Variants in ABCB4 observed in about 807,000 individuals in gnomAD.
The protein encoded by ABCB4 is phosphatidylcholine translocator ABCB4.
In ABCB4, 76 loss-of-function variants were observed where a neutral mutation model predicts 145.7. That is an observed-to-expected ratio of 0.52 (90% CI 0.43 to 0.63). The LOEUF is 0.63. Among genes scored for constraint, ABCB4 ranks in the 30% least tolerant of loss-of-function variants. The pLI is 0.00. For synonymous variants in ABCB4, 517 were observed against 566.8 expected, an observed-to-expected ratio of 0.91 and a Z score of 1.25; for missense variants, 1,234 against 1,553.1, an observed-to-expected ratio of 0.79 and a Z score of 3.45.
chr7:87,446,744 C>G (rs1043992897), intron 9 of ABCB4, among the ~76,000 whole-genome samples: 2 of 152,150 alleles, frequency 1.3e-5, no homozygotes, highest in Non-Finnish European at 2.9e-5. Context: ...GAGGATGGCT[C>G]CCATCCATAT....
rs541998772 is a variant in ABCB4 at position 87,434,781 on chromosome 7, T to C, written c.1732-3216A>G. Among the ~76,000 whole-genome samples, 5 of 152,356 alleles carry C rather than the reference T, an allele frequency of 3.3e-5. No homozygotes were observed. The South Asian group carries it at 1.0e-3, about 32-fold the overall frequency. On this transcript the variant is annotated intron_variant, in intron 14 of 27. Transcript: ENST00000649586. ...ATTATTTTAATGTAGACATATTTTCTCAATGAGCTGGGCCATCATAGTCAA... is the reference window on the plus strand; with the variant it reads ...ATTATTTTAATGTAGACATATTTTCCCAATGAGCTGGGCCATCATAGTCAA...
At chr7:87,374,688 AG>A in the ABCB4 span, among the ~76,000 whole-genome samples, 3 of 152,002 alleles carry the variant, frequency 2.0e-5, no homozygotes, top group Non-Finnish European at 4.4e-5. Flanking sequence ...GCAAATAACA[AG>A]GGGGGAATTT....
At chr7:87,464,196 G>A (rs1165271971) in intron 3 of ABCB4, among the ~76,000 whole-genome samples, 2 of 152,204 alleles carry the variant, frequency 1.3e-5, no homozygotes, top group Non-Finnish European at 2.9e-5. Flanking sequence ...GCTGAGGTTA[G>A]AGGCACATGG....
the ABCB4 span, among the ~76,000 whole-genome samples, chr7:87,385,875 T>A: frequency 2.0e-5 from 3 of 152,216 alleles, no homozygotes; most frequent in South Asian, 6.2e-4. Context: ...TTGTTGAAAA[T>A]TTTTTTTATC....
chr7:87,379,045 C>G, the ABCB4 span, among the ~76,000 whole-genome samples: 848 of 152,230 alleles, frequency 5.6e-3, 10 homozygotes, highest in African/African-American at 0.017. Flanking sequence ...TTCTCTTCAG[C>G]TCCTCATTTG....
the ABCB4 span, among the ~76,000 whole-genome samples, chr7:87,374,434 G>A: frequency 6.6e-6 from 1 of 152,156 alleles, no homozygotes; most frequent in Non-Finnish European, 1.5e-5. Flanking sequence ...CAAAACTCGT[G>A]CTTTGAGGTA....
intron 14 of ABCB4, among the ~76,000 whole-genome samples, chr7:87,436,235 G>A (rs1476291220): frequency 6.6e-6 from 1 of 151,940 alleles, no homozygotes; most frequent in East Asian, 1.9e-4. Context: ...AATAAAATTA[G>A]GGCAAAAATC....
the ABCB4 span, among the ~76,000 whole-genome samples, chr7:87,387,437 C>A: frequency 6.6e-6 from 1 of 151,226 alleles, no homozygotes; most frequent in Admixed American, 6.6e-5. Context: ...AAAATTGCTT[C>A]ATTTTATTTC....
At chr7:87,399,753 A>G (rs1163291562), downstream of ABCB4, 4 of 152,214 alleles carry the variant, frequency 2.6e-5, no homozygotes, top group African/African-American at 9.6e-5. Flanking sequence ...TCAAAATTAT[A>G]TAGCTTTTTG....
At chr7:87,391,481 T>C in the ABCB4 span, 1 of 1,085,546 alleles carries the variant, frequency 9.2e-7, no homozygotes, top group South Asian at 1.8e-5. Flanking sequence ...CTATCTGTGT[T>C]AAAGGGCTTA....
At position 87,403,124 on chromosome 7, in the gene ABCB4, G is replaced by A; in HGVS notation, c.3633+11C>T. Reference sequence around the variant, plus strand: ...AATTAAATAAGACATAAGTTGGGAGGCCACACACACCTTTTCACTTTCAGT... The same window carrying A: ...AATTAAATAAGACATAAGTTGGGAGACCACACACACCTTTTCACTTTCAGT... On this transcript the variant is annotated intron_variant, in intron 27 of 27. Coordinates refer to ENST00000649586, the MANE Select transcript of ABCB4 (RefSeq NM_000443.4). 1 of 1,613,728 alleles carries A rather than the reference G, an allele frequency of 6.2e-7. No individual in the cohort carries two copies. Among genetic ancestry groups the A allele is most frequent in the Non-Finnish European group, 8.5e-7 (1 of 1,179,768 alleles).
At chr7:87,409,600 C>T (rs1440562533) in intron 23 of ABCB4, among the ~76,000 whole-genome samples, 2 of 152,138 alleles carry the variant, frequency 1.3e-5, no homozygotes, top group Admixed American at 6.6e-5. Flanking sequence ...TACCTTTTCT[C>T]GACTTGCTTT....
chr7:87,400,082 G>A (rs1244096418), downstream of ABCB4, among the ~76,000 whole-genome samples: 2 of 152,136 alleles, frequency 1.3e-5, no homozygotes, highest in Non-Finnish European at 2.9e-5. Flanking sequence ...TCAGAATTGA[G>A]CTTCCTTACT....
At chr7:87,429,602 T>C (rs1810062986) in intron 15 of ABCB4, among the ~76,000 whole-genome samples, 1 of 152,214 alleles carries the variant, frequency 6.6e-6, no homozygotes, top group South Asian at 2.1e-4. Context: ...GGATTCAACA[T>C]GTCATTATGG....
chr7:87,393,440 G>C, the ABCB4 span, among the ~76,000 whole-genome samples: 1 of 152,134 alleles, frequency 6.6e-6, no homozygotes, highest in South Asian at 2.1e-4. Context: ...ATATTAATGA[G>C]ATAGAGAAAA....
intron 18 of ABCB4, among the ~76,000 whole-genome samples, chr7:87,420,710 C>T (rs558316552): frequency 7.9e-5 from 12 of 152,120 alleles, no homozygotes; most frequent in Non-Finnish European, 1.8e-4. Context: ...GAATTCAAAG[C>T]CCCCACGTCA....
At chr7:87,373,263 C>T in the ABCB4 span, among the ~76,000 whole-genome samples, 1 of 152,082 alleles carries the variant, frequency 6.6e-6, no homozygotes, top group African/African-American at 2.4e-5. Context: ...TAATCAGATA[C>T]TTGGCCAATT....
upstream of ABCB4, chr7:87,475,721 C>A: frequency 2.5e-6 from 1 of 393,818 alleles, no homozygotes; most frequent in Non-Finnish European, 4.5e-6. Context: ...CGGCCTCGCC[C>A]CCGCCCCCGC....
the ABCB4 span, chr7:87,381,963 G>T: frequency 6.2e-7 from 1 of 1,610,814 alleles, no homozygotes; most frequent in South Asian, 1.1e-5. Context: ...ATGTGGATGA[G>T]AAAATTTTTC....
Sources: gnomAD v4.1 joint callset for allele counts (sites outside exome capture counted in the v4.1 genomes callset) on GRCh38, gnomAD v4.1.1 for gene constraint, MANE v1.5 for transcripts, NCBI Gene and HGNC (gene_info 2026-07-23, HGNC 2026-07-21) for gene names.